Variants in DENND10 observed in about 807,000 individuals in gnomAD.
DENND10 encodes DENN domain-containing protein 10.
Under a neutral mutation model 43.6 loss-of-function variants are expected in DENND10, and 24 were observed. That is an observed-to-expected ratio of 0.55 (90% CI 0.40 to 0.77). The LOEUF (loss-of-function observed/expected upper bound fraction) is 0.77, where lower values mean the gene tolerates loss of function less well. Ranked by LOEUF, DENND10 falls within the 30% of genes least tolerant of loss-of-function variation. The pLI is 0.00. For missense variants in DENND10, 303 were observed against 429.9 expected, an observed-to-expected ratio of 0.70 and a Z score of 2.61; for synonymous variants, 125 against 157.6, an observed-to-expected ratio of 0.79 and a Z score of 1.55.
intron 6 of DENND10, among the ~76,000 whole-genome samples, chr10:119,126,228 A>G (rs1845826150): frequency 6.6e-6 from 1 of 152,056 alleles, no homozygotes; most frequent in Non-Finnish European, 1.5e-5. Flanking sequence ...TTTGATTCCA[A>G]ATCTTGGTGG....
At chr10:119,104,259 G>A (rs1844571000) in intron 1 of DENND10, 62 bp downstream of exon 1, 1 of 1,408,900 alleles carries the variant, frequency 7.1e-7, no homozygotes, top group South Asian at 1.4e-5. Flanking sequence ...CTCCACCTCG[G>A]CCCGGGGCAG....
intron 1 of DENND10, among the ~76,000 whole-genome samples, chr10:119,107,464 C>T (rs1164520194): frequency 1.3e-5 from 2 of 149,668 alleles, no homozygotes; most frequent in African/African-American, 4.9e-5. Context: ...AGTGCAGTGG[C>T]GTGATCTTGG....
chr10:119,127,156 G>C (rs761221719), intron 6 of DENND10, among the ~76,000 whole-genome samples: 23 of 149,300 alleles, frequency 1.5e-4, no homozygotes, highest in Admixed American at 1.5e-3. Flanking sequence ...CTCCCGCCTT[G>C]GCCTCCCAAA....
intron 5 of DENND10, 39 bp downstream of exon 5, chr10:119,120,491 G>C: frequency 7.7e-7 from 1 of 1,297,400 alleles, no homozygotes; most frequent in South Asian, 1.2e-5. Context: ...AACTTTGTTG[G>C]CAGACAGTTC....
At chr10:119,107,884 T>C (rs1213618370) in intron 1 of DENND10, 84 bp from the exon 2 acceptor site, 2 of 1,258,486 alleles carry the variant, frequency 1.6e-6, no homozygotes, top group Non-Finnish European at 2.3e-6. Context: ...TAAAACTGAT[T>C]CCACTAAGTG....
At chr10:119,134,033 A>C (rs1449819419) in intron 8 of DENND10, 2 of 152,194 alleles carry the variant, frequency 1.3e-5, no homozygotes, top group Non-Finnish European at 2.9e-5. Context: ...AACAAGGAAG[A>C]AGACGTGACT....
intron 7 of DENND10, 32 bp downstream of exon 7, chr10:119,129,654 T>TA (rs1454168863): frequency 6.8e-7 from 1 of 1,467,166 alleles, no homozygotes; most frequent in South Asian, 1.1e-5. Context: ...TGATACAAGA[T>TA]ATAAGCCAAA....
chr10:119,123,541 T>C lies in DENND10; in HGVS notation c.666T>C (p.Asp222=). 1 of 1,613,230 alleles carries C rather than the reference T, an allele frequency of 6.2e-7. No homozygotes were observed. The highest frequency in any genetic ancestry group is 1.1e-5 in the South Asian group (1 of 91,060). ...ACTCTTACGTGCACCTCAACGCCGA[T>C]GAGCTGGAAGCCCTGCAGATGTGCA... ...ILHSYVHLNA[D]ELEALQMCTG... is the part of the protein sequence containing the mutation. Residue 222 remains aspartate, a synonymous_variant, in exon 6 of 9, where the codon GAT becomes GAC. Coordinates refer to ENST00000361432, the MANE Select transcript of DENND10 (RefSeq NM_207009.4).
At chr10:119,128,620 A>G (rs1290179888) in intron 6 of DENND10, among the ~76,000 whole-genome samples, 1 of 149,564 alleles carries the variant, frequency 6.7e-6, no homozygotes, top group Non-Finnish European at 1.5e-5. Flanking sequence ...AAAAAAAACA[A>G]AAAAACTGAG....
Position 119,123,667 on chromosome 10 carries a change from T to TCCCAGGGGA in DENND10, c.694+98_694+99insCCCAGGGGA. On this transcript the variant is annotated intron_variant, in intron 6 of 8. Coordinates refer to ENST00000361432, the MANE Select transcript of DENND10 (RefSeq NM_207009.4). Reference sequence around the variant, plus strand: ...TCTTGTTGCCCAGGATGGAGTGCAATGGCACGATCTTAGCTCACCGCAACG... The same window carrying TCCCAGGGGA: ...TCTTGTTGCCCAGGATGGAGTGCAATCCCAGGGGAGGCACGATCTTAGCTCACCGCAACG... 3.3e-6 allele frequency: 3 copies of TCCCAGGGGA among 912,136 alleles called. No individual in the cohort carries two copies. In the East Asian group the frequency reaches 8.1e-5, roughly 25 times the overall value. The allele number at this position is 912,136 out of a possible 1,614,324, so 56.5% of individuals were successfully genotyped here.
chr10:119,104,450 C>T (rs2133445278), intron 1 of DENND10, among the ~76,000 whole-genome samples: 1 of 151,404 alleles, frequency 6.6e-6, no homozygotes, highest in East Asian at 1.9e-4. Context: ...GCCCGGGGAC[C>T]TCCAAGATTC....
At position 119,129,629 on chromosome 10, in the gene DENND10, T is replaced by C. The variant is rs1241933809; in HGVS notation, c.802+7T>C. ...ATTGCTCCCCTTGCAAAAGGTTTGT[T>C]CTCTGTTCTGTTCTTGATACAAGAT... On this transcript the variant is annotated splice_region_variant and intron_variant, in intron 7 of 8. Transcript: ENST00000361432. The C allele has an allele frequency of 6.3e-7, 1 of 1,582,574 alleles. No homozygotes were observed. Among genetic ancestry groups the C allele is most frequent in the African/African-American group, 1.3e-5 (1 of 74,436 alleles).
At chr10:119,131,256 G>A (rs565538772) in intron 7 of DENND10, among the ~76,000 whole-genome samples, 12 of 152,164 alleles carry the variant, frequency 7.9e-5, no homozygotes, top group Non-Finnish European at 1.6e-4. Context: ...CAGGAGATCG[G>A]GACCAGCCTG....
chr10:119,136,913 G>T lies in DENND10; in HGVS notation c.*266G>T, dbSNP rs1428696923. On this transcript the variant is annotated 3_prime_UTR_variant, in exon 9 of 9. Transcript: ENST00000361432. ...ATGTAACATTACAGAACAGCTAGAG[G>T]TCCTGGGGTAAGAGAAAAAAAGCAC... The T allele has an allele frequency of 8.6e-6, 3 of 349,152 alleles. No individual in the cohort carries two copies. The highest frequency in any genetic ancestry group is 1.6e-5 in the Non-Finnish European group (3 of 186,110). The allele number at this position is 349,152 out of a possible 1,614,324, so 21.6% of individuals were successfully genotyped here.
intron 4 of DENND10, 135 bp downstream of exon 4, chr10:119,117,802 C>T (rs1305151360): frequency 2.5e-6 from 2 of 811,184 alleles, no homozygotes; most frequent in Non-Finnish European, 3.7e-6. Flanking sequence ...CTCGTCTCCA[C>T]TAAAAATACA....
Position 119,136,745 on chromosome 10 carries a change from G to T in DENND10, c.*98G>T, listed in dbSNP as rs1846380127. 1.0e-5 allele frequency: 6 copies of T among 595,500 alleles called. No homozygotes were observed. The allele number at this position is 595,500 out of a possible 1,614,324, so 36.9% of individuals were successfully genotyped here. On this transcript the variant is annotated 3_prime_UTR_variant, in exon 9 of 9. Transcript: ENST00000361432. ...AAGTCCTGAAAATAACAGAGAAACT[G>T]TTATATCTTTTTAATGATTTATTTG... is the stretch of plus-strand genomic sequence containing the variant.
At chr10:119,113,421 C>T (rs1160966755) in intron 3 of DENND10, among the ~76,000 whole-genome samples, 1 of 151,634 alleles carries the variant, frequency 6.6e-6, no homozygotes, top group African/African-American at 2.4e-5. Context: ...TGGTCTTGAA[C>T]TCCTGGGGTC....
intron 3 of DENND10, among the ~76,000 whole-genome samples, chr10:119,113,279 T>A (rs983779350): frequency 6.6e-6 from 1 of 151,432 alleles, no homozygotes; most frequent in Admixed American, 6.6e-5. Context: ...AACCTTGAAC[T>A]CCTGGGCTGA....
chr10:119,136,679 T>G lies in DENND10; in HGVS notation c.*32T>G, dbSNP rs778874946. 3.2e-5 allele frequency: 37 copies of G among 1,146,556 alleles called. No homozygotes were observed. The highest frequency in any genetic ancestry group is 4.2e-5 in the Non-Finnish European group (34 of 817,990). 71.0% of individuals were successfully genotyped at this position (1,146,556 alleles called of 1,614,324 possible). On this transcript the variant is annotated 3_prime_UTR_variant, in exon 9 of 9. Coordinates refer to ENST00000361432, the MANE Select transcript of DENND10 (RefSeq NM_207009.4). ...GACAGAACGTATCACTGATGACTGA[T>G]AGAAAGCCCTCTTTCACTCTGATTA...
Sources: allele counts gnomAD v4.1 joint callset (sites outside exome capture counted in the v4.1 genomes callset), GRCh38; gene constraint gnomAD v4.1.1; transcripts MANE v1.5; gene names NCBI Gene and HGNC (gene_info 2026-07-23, HGNC 2026-07-21).